SLC2A13: variants seen among roughly 807,000 people sequenced by gnomAD.
SLC2A13 encodes proton myo-inositol cotransporter.
SLC2A13 carries 32 observed loss-of-function variants against 64.4 expected under a neutral mutation model. That is an observed-to-expected ratio of 0.50 (90% CI 0.37 to 0.67). The LOEUF (loss-of-function observed/expected upper bound fraction) is 0.67. Ranked by LOEUF, SLC2A13 falls within the 30% of genes least tolerant of loss-of-function variation. SLC2A13 has a pLI of 0.00. For missense variants in SLC2A13, 743 were observed against 829.2 expected, an observed-to-expected ratio of 0.90 and a Z score of 1.28; for synonymous variants, 338 against 327.1, an observed-to-expected ratio of 1.03 and a Z score of -0.36.
chr12:39,865,993 A>G (rs1394238819), intron 5 of SLC2A13, among the ~76,000 whole-genome samples: 1 of 152,270 alleles, frequency 6.6e-6, no homozygotes, highest in East Asian at 1.9e-4. Flanking sequence ...GTTAACTTAT[A>G]TAACGAGCCT....
intron 7 of SLC2A13, among the ~76,000 whole-genome samples, chr12:39,800,455 CAAAA>C (rs1941749003): frequency 7.1e-6 from 1 of 141,474 alleles, no homozygotes; most frequent in Non-Finnish European, 1.5e-5. Flanking sequence ...AGACACTTCT[CAAAA>C]GAAGACATTT....
At chr12:40,007,130 C>T (rs147788099) in intron 3 of SLC2A13, among the ~76,000 whole-genome samples, 1 of 152,302 alleles carries the variant, frequency 6.6e-6, no homozygotes, top group East Asian at 1.9e-4. Flanking sequence ...GAGCCCCTCC[C>T]ACCTTTGCTC....
At chr12:39,831,938 C>G (rs1161533048) in intron 6 of SLC2A13, among the ~76,000 whole-genome samples, 5 of 152,152 alleles carry the variant, frequency 3.3e-5, no homozygotes, top group Admixed American at 6.6e-5. Context: ...TGCCCAGTCT[C>G]AGGTATTCCT....
At position 39,756,261 on chromosome 12, in the gene SLC2A13, A is replaced by C. The variant is rs1939966176; in HGVS notation, c.*3765T>G. On this transcript the variant is annotated 3_prime_UTR_variant, in exon 10 of 10. Coordinates refer to ENST00000280871, the MANE Select transcript of SLC2A13 (RefSeq NM_052885.4). ...AATTTAATACATTTTGCTATAAAGC[A>C]CATATTATAAATTCTCTGCTCCTGG... 1.3e-5 allele frequency: 2 copies of C among 151,930 alleles called. No individual in the cohort carries two copies. The highest frequency in any genetic ancestry group is 3.0e-5 in the Non-Finnish European group (2 of 67,770). The allele number at this position is 151,930 out of a possible 1,614,324, so 9.4% of individuals were successfully genotyped here. A position where few individuals can be genotyped will look rare whatever the true frequency, so the allele number is the denominator to read the frequency against.
At chr12:40,104,605 T>C (rs753158558) in intron 1 of SLC2A13, among the ~76,000 whole-genome samples, 3 of 151,772 alleles carry the variant, frequency 2.0e-5, no homozygotes, top group African/African-American at 7.3e-5. Context: ...AATGAAAAAG[T>C]TGGAAAAACA....
chr12:40,096,057 C>T (rs993675468), intron 1 of SLC2A13, among the ~76,000 whole-genome samples: 5 of 151,850 alleles, frequency 3.3e-5, no homozygotes, highest in Admixed American at 1.3e-4. Context: ...GCCTCAGCCT[C>T]CTGAGTAGCC....
At chr12:39,962,040 C>G (rs974738996) in intron 3 of SLC2A13, among the ~76,000 whole-genome samples, 1 of 152,188 alleles carries the variant, frequency 6.6e-6, no homozygotes, top group African/African-American at 2.4e-5. Flanking sequence ...CCTTTTCTCC[C>G]TCTATGGAGA....
chr12:39,781,689 C>G (rs1461878198), intron 7 of SLC2A13, among the ~76,000 whole-genome samples: 1 of 152,176 alleles, frequency 6.6e-6, no homozygotes, highest in Non-Finnish European at 1.5e-5. Flanking sequence ...TATATTTTAA[C>G]AGCATAGTTA....
In SLC2A13 at chr12:39,759,862, T is replaced by G. The variant is rs1940070409; in HGVS notation, c.*164A>C. 1.8e-6 allele frequency: 1 copy of G among 569,750 alleles called. No homozygotes were observed. Among genetic ancestry groups the G allele is most frequent in the Non-Finnish European group, 3.1e-6 (1 of 324,612 alleles). 35.3% of individuals were successfully genotyped at this position (569,750 alleles called of 1,614,324 possible). ...TATTGTTCCTTGTGGAAAAAAAAAG[T>G]CATCATGGTTGTATCTTCCTCCTAA... On this transcript the variant is annotated 3_prime_UTR_variant, in exon 10 of 10. Transcript: ENST00000280871.
At chr12:40,029,832 T>G (rs558326175) in intron 2 of SLC2A13, among the ~76,000 whole-genome samples, 1 of 152,294 alleles carries the variant, frequency 6.6e-6, no homozygotes, top group South Asian at 2.1e-4. Flanking sequence ...ATTGGAGGTG[T>G]CTTACGCTTT....
In SLC2A13 at chr12:39,994,886, T is replaced by C. The variant is rs143487159; in HGVS notation, c.925+33415A>G. Among the ~76,000 whole-genome samples the C allele has an allele frequency of 4.3e-3, 660 of 152,308 alleles. 8 individuals carry two copies. Among genetic ancestry groups the C allele is most frequent in the African/African-American group, 0.015 (624 of 41,562 alleles). On this transcript the variant is annotated intron_variant, in intron 3 of 9. Coordinates refer to ENST00000280871, the MANE Select transcript of SLC2A13 (RefSeq NM_052885.4). ...AACTGTGTATGAAAAGATAGTACAATTTTCTTATCTATAAAATGGTCACTT... is the reference window on the plus strand; with the variant it reads ...AACTGTGTATGAAAAGATAGTACAACTTTCTTATCTATAAAATGGTCACTT...
At chr12:39,832,049 C>G (rs917336646) in intron 6 of SLC2A13, among the ~76,000 whole-genome samples, 5 of 152,122 alleles carry the variant, frequency 3.3e-5, no homozygotes, top group African/African-American at 4.8e-5. Context: ...CTGAGTCACC[C>G]CTATTTTTGA....
At chr12:40,094,691 T>C (rs1252973540) in intron 1 of SLC2A13, among the ~76,000 whole-genome samples, 2 of 152,028 alleles carry the variant, frequency 1.3e-5, no homozygotes, top group African/African-American at 4.8e-5. Flanking sequence ...AGAAGGAATA[T>C]AGGCAACTGT....
chr12:40,018,476 T>C (rs1947656946), intron 3 of SLC2A13, among the ~76,000 whole-genome samples: 1 of 152,228 alleles, frequency 6.6e-6, no homozygotes, highest in Non-Finnish European at 1.5e-5. Flanking sequence ...TGAAATACGA[T>C]TTTTCCTAAT....
At chr12:39,991,795 T>C (rs1354578682) in intron 3 of SLC2A13, among the ~76,000 whole-genome samples, 1 of 79,622 alleles carries the variant, frequency 1.3e-5, no homozygotes, top group African/African-American at 4.5e-5. Context: ...GATTATATTC[T>C]ACTATCTTTT....
At chr12:39,874,206 C>T (rs74086916) in intron 4 of SLC2A13, among the ~76,000 whole-genome samples, 2,830 of 152,222 alleles carry the variant, frequency 0.019, 88 homozygotes, top group African/African-American at 0.064. Flanking sequence ...GCAGGTCTGA[C>T]GATCTGGGAG....
chr12:39,801,997 A>G (rs957489096), intron 7 of SLC2A13, among the ~76,000 whole-genome samples: 2 of 152,220 alleles, frequency 1.3e-5, no homozygotes, highest in Non-Finnish European at 2.9e-5. Context: ...TAGCCAATGA[A>G]TAAGTAAGCA....
chr12:39,963,286 C>CAAAAA (rs71434304), intron 3 of SLC2A13, among the ~76,000 whole-genome samples: 4 of 112,858 alleles, frequency 3.5e-5, no homozygotes, highest in East Asian at 2.5e-4. Context: ...GACTCCGTCT[C>CAAAAA]AAAAAAAAAA....
chr12:40,000,587 C>T (rs1332352426), intron 3 of SLC2A13, among the ~76,000 whole-genome samples: 1 of 152,108 alleles, frequency 6.6e-6, no homozygotes, highest in African/African-American at 2.4e-5. Context: ...GCTCAAAGTC[C>T]AAGATCATGG....
Sources: gnomAD v4.1 joint callset for allele counts (sites outside exome capture counted in the v4.1 genomes callset) on GRCh38, gnomAD v4.1.1 for gene constraint, MANE v1.5 for transcripts, NCBI Gene and HGNC (gene_info 2026-07-23, HGNC 2026-07-21) for gene names.